Variants in USP19 observed in about 807,000 individuals in gnomAD.
USP19 encodes ubiquitin specific peptidase 19.
USP19 carries 40 observed loss-of-function variants against 144.8 expected under a neutral mutation model. The ratio of observed to expected loss-of-function variants is 0.28; its 90% CI spans 0.21 to 0.36. The LOEUF is 0.36. USP19 is among the 10% of genes least tolerant of loss of function. The pLI, the probability that USP19 is intolerant of heterozygous loss-of-function variation, is 1.00. For missense variants in USP19, 1,518 were observed against 1,822.5 expected (o/e 0.83, Z 3.04); for synonymous variants, 701 against 709.3 (o/e 0.99, Z 0.19).
In USP19 at chr3:49,114,069, T is replaced by G; in HGVS notation, c.2428A>C (p.Asn810His). The change falls in exon 17 of 27, where the codon AAC becomes CAC. Residue 810 changes from asparagine to histidine, a missense_variant. Asn to His is a moderately conservative substitution (Grantham distance 68). Around this residue, in one of 5 missense-constraint regions of USP19, gnomAD observed 413 missense variants for 515.8 expected, o/e 0.80. Transcript: ENST00000417901. The surrounding 1 kb of genome is among the most constrained non-coding windows in gnomAD (Gnocchi z 4.5). ...IKFLVSVSKE[N>H]STASEVLDSL... Reference sequence around the variant, plus strand: ...TCCAATACTTCGCTCGCAGTGGAGTTCTCCTTGCTGACGCTCACCAGGAAC... The same window carrying G: ...TCCAATACTTCGCTCGCAGTGGAGTGCTCCTTGCTGACGCTCACCAGGAAC... 1 of 1,614,210 alleles carries G rather than the reference T, an allele frequency of 6.2e-7. No individual in the cohort carries two copies.
chr3:49,115,556 C>T lies in USP19; in HGVS notation c.1776G>A (p.Lys592=). ...CAGTGAAGCCTGGCAGACACACCTT[C>T]TTCTCTTCCTCTTCCTCCTCCTCCA... The part of the protein sequence containing the change: ...DSVEEEEEEE[K]KVCLPGFTGL... Residue 592 remains lysine (K), a synonymous_variant, in exon 12 of 27, where the codon AAG becomes AAA. Transcript: ENST00000417901. This position sits in a 1 kb window ranked among gnomAD's most constrained non-coding sequence, Gnocchi z 6.6. The T allele has an allele frequency of 6.2e-7, 1 of 1,613,992 alleles. No homozygotes were observed. Among genetic ancestry groups the T allele is most frequent in the Non-Finnish European group, 8.5e-7 (1 of 1,179,954 alleles).
At position 49,112,269 on chromosome 3, in the gene USP19, C is replaced by A; in HGVS notation, c.2765+15G>T. On this transcript the variant is annotated intron_variant, in intron 19 of 26. Transcript: ENST00000417901. The surrounding 1 kb of genome is among the most constrained non-coding windows in gnomAD (Gnocchi z 4.9). ...GGTGGAAAGAAAGGGTAGGGGAGAC[C>A]ATGGGGGTCCTCACTGGTTGCAGTA... The A allele has an allele frequency of 6.3e-7, 1 of 1,597,412 alleles. No homozygotes were observed. Among genetic ancestry groups the A allele is most frequent in the South Asian group, 1.1e-5 (1 of 89,050 alleles).
intron 26 of USP19, chr3:49,109,330 A>C: frequency 2.9e-6 from 3 of 1,049,944 alleles, no homozygotes; most frequent in Non-Finnish European, 3.9e-6. Flanking sequence ...GAAGGCAGGC[A>C]GCCAACCTCA....
At position 49,115,592 on chromosome 3, in the gene USP19, A is replaced by C; in HGVS notation, c.1740T>G (p.Ser580Arg). 6.2e-7 allele frequency: 1 copy of C among 1,611,582 alleles called. No individual in the cohort carries two copies. The highest frequency in any genetic ancestry group is 8.5e-7 in the Non-Finnish European group (1 of 1,178,762). Residue 580 changes from serine to arginine, a missense_variant, in exon 12 of 27, where the codon AGT becomes AGG. Ser to Arg is a moderately radical substitution (Grantham distance 110, BLOSUM62 -1). This residue lies in a region of USP19 where 158 missense variants were observed against 277.3 expected (regional missense o/e 0.57). Transcript: ENST00000417901. The surrounding 1 kb of genome is among the most constrained non-coding windows in gnomAD (Gnocchi z 6.6). ...CTTCCTCCTCCTCCACGCTGTCTCC[A>C]CTAACTGGGCTGTGGGGCATGGGAG... ...MVPPMPHSPV[S>R]GDSVEEEEEE...
chr3:49,108,348 G>T lies in USP19; in HGVS notation c.*64C>A. ...TCCTCTGGGTTAGAGAAGGAGAAGC[G>T]GCAAGGAGCTGGCCCTCTGTGTGGG... On this transcript the variant is annotated 3_prime_UTR_variant, in exon 27 of 27. Coordinates refer to ENST00000417901, the MANE Select transcript of USP19 (RefSeq NM_001199161.2). The surrounding 1 kb of genome is among the most constrained non-coding windows in gnomAD (Gnocchi z 4.8). 1 of 546,508 alleles carries T rather than the reference G, an allele frequency of 1.8e-6. No individual in the cohort carries two copies. The highest frequency in any genetic ancestry group is 3.0e-6 in the Non-Finnish European group (1 of 330,516). 33.9% of individuals were successfully genotyped at this position (546,508 alleles called of 1,614,324 possible). A position where few individuals can be genotyped will look rare whatever the true frequency, so the allele number is the denominator to read the frequency against.
In USP19 at chr3:49,116,819, G is replaced by A. The variant is rs778762747; in HGVS notation, c.1034C>T (p.Ser345Phe). Residue 345 changes from serine (S) to phenylalanine (F), a missense_variant, in exon 7 of 27, where the codon TCT (serine) becomes TTT (phenylalanine). Ser to Phe is a radical substitution (Grantham distance 155). Coordinates refer to ENST00000417901, the MANE Select transcript of USP19 (RefSeq NM_001199161.2). The surrounding 1 kb of genome is among the most constrained non-coding windows in gnomAD (Gnocchi z 5.0). ...GTTTCTGCTCCGGACCATGGCTGGAGAGACTGGGTCATTCCCGGGAGGCAC... is the reference window on the plus strand; with the variant it reads ...GTTTCTGCTCCGGACCATGGCTGGAAAGACTGGGTCATTCCCGGGAGGCAC... ...KAVPPGNDPV[S>F]PAMVRSRNPG... The A allele has an allele frequency of 6.8e-6, 11 of 1,613,982 alleles. No homozygotes were observed. Among genetic ancestry groups the A allele is most frequent in the African/African-American group, 2.7e-5 (2 of 74,870 alleles).
At position 49,117,621 on chromosome 3, in the gene USP19, CAA is replaced by C; in HGVS notation, c.472+34_472+35del. 1 of 1,614,050 alleles carries C rather than the reference CAA, an allele frequency of 6.2e-7. No individual in the cohort carries two copies. Among genetic ancestry groups the C allele is most frequent in the South Asian group, 1.1e-5 (1 of 91,076 alleles). ...GTAGGATAGGAGATATCAGAAGATT[CAA>C]ACATACTACTGTGCTCAGGGCAGAT... On this transcript the variant is annotated intron_variant, in intron 4 of 26. Coordinates refer to ENST00000417901, the MANE Select transcript of USP19 (RefSeq NM_001199161.2). This position sits in a 1 kb window ranked among gnomAD's most constrained non-coding sequence, Gnocchi z 4.4.
rs1379347582 is a variant in USP19, at chr3:49,114,498, A to C, written c.2293-214T>G. Among the ~76,000 whole-genome samples, 2 of 152,154 alleles carry C rather than the reference A, an allele frequency of 1.3e-5. No individual in the cohort carries two copies. The highest frequency in any genetic ancestry group is 2.9e-5 in the Non-Finnish European group (2 of 68,024). ...ACTCAAAGCCCTACTCAGCTTAGCCACTTTACGAATTGGCCTCACACTTGC... is the reference window on the plus strand; with the variant it reads ...ACTCAAAGCCCTACTCAGCTTAGCCCCTTTACGAATTGGCCTCACACTTGC... On this transcript the variant is annotated intron_variant, in intron 15 of 26. Transcript: ENST00000417901. This position sits in a 1 kb window ranked among gnomAD's most constrained non-coding sequence, Gnocchi z 4.5.
chr3:49,118,204 G>T, intron 2 of USP19, 84 bp from the exon 3 acceptor site: 1 of 592,478 alleles, frequency 1.7e-6, no homozygotes, highest in Non-Finnish European at 3.0e-6. Context: ...CTTTGAGGAT[G>T]CAGTAAGCTA....
Position 49,108,552 on chromosome 3 carries a change from G to T in USP19, c.4039-24C>A, listed in dbSNP as rs894130358. On this transcript the variant is annotated intron_variant, in intron 26 of 26. Coordinates refer to ENST00000417901, the MANE Select transcript of USP19 (RefSeq NM_001199161.2). The surrounding 1 kb of genome is among the most constrained non-coding windows in gnomAD (Gnocchi z 4.8). ...CCCTGCAACAGAATACGAGGACAGG[G>T]GTTGGGGGCTGCCCAGCATGCCGCC... is the stretch of plus-strand genomic sequence containing the variant. The T allele has an allele frequency of 2.9e-5, 36 of 1,239,196 alleles. No homozygotes were observed. Among genetic ancestry groups the T allele is most frequent in the Non-Finnish European group, 3.6e-5 (35 of 967,986 alleles). The allele number at this position is 1,239,196 out of a possible 1,614,324, so 76.8% of individuals were successfully genotyped here.
intron 17 of USP19, among the ~76,000 whole-genome samples, chr3:49,113,521 A>G (rs2043540937): frequency 6.6e-6 from 1 of 152,106 alleles, no homozygotes; most frequent in African/African-American, 2.4e-5. Flanking sequence ...CTTGTGATCC[A>G]TCAGCCTTGG....
At chr3:49,118,150 G>A (rs1043189719) in intron 2 of USP19, 30 bp from the exon 3 acceptor site, 17 of 928,074 alleles carry the variant, frequency 1.8e-5, no homozygotes, top group Non-Finnish European at 2.7e-5. Context: ...AATTAGTCAA[G>A]CATGGTGAGG....
Position 49,115,011 on chromosome 3 carries a change from A to G in USP19, c.2129T>C (p.Ile710Thr), listed in dbSNP as rs1338595481. ...LDGLHEDLNR[I>T]QNKPYTETVD... ...GGTCTCTGTGTAGGGCTTGTTCTGA[A>G]TGCGATTCAGGTCCTCGTGCAGCCC... Residue 710 changes from isoleucine to threonine, a missense_variant, in exon 14 of 27, where the codon ATT (isoleucine) becomes ACT (threonine). By Grantham distance (89) the Ile-to-Thr change is moderately conservative (BLOSUM62 -1). Transcript: ENST00000417901. This position sits in a 1 kb window ranked among gnomAD's most constrained non-coding sequence, Gnocchi z 6.6. The G allele has an allele frequency of 6.2e-7, 1 of 1,614,068 alleles. No individual in the cohort carries two copies. Among genetic ancestry groups the G allele is most frequent in the Admixed American group, 1.7e-5 (1 of 60,012 alleles).
chr3:49,108,336 A>G lies in USP19; in HGVS notation c.*76T>C. ...ACAGAGCCAGTGTCCTCTGGGTTAG[A>G]GAAGGAGAAGCGGCAAGGAGCTGGC... On this transcript the variant is annotated 3_prime_UTR_variant, in exon 27 of 27. Coordinates refer to ENST00000417901, the MANE Select transcript of USP19 (RefSeq NM_001199161.2). The surrounding 1 kb of genome is among the most constrained non-coding windows in gnomAD (Gnocchi z 4.8). The G allele has an allele frequency of 4.2e-6, 2 of 473,846 alleles. No homozygotes were observed. The highest frequency in any genetic ancestry group is 7.3e-6 in the Non-Finnish European group (2 of 274,618). 29.4% of individuals were successfully genotyped at this position (473,846 alleles called of 1,614,324 possible). A position where few individuals can be genotyped will look rare whatever the true frequency, so the allele number is the denominator to read the frequency against.
chr3:49,109,145 G>GGCTCCTCCTCAGCCTCCA, intron 26 of USP19: 1 of 1,515,478 alleles, frequency 6.6e-7, no homozygotes, highest in African/African-American at 1.4e-5. Flanking sequence ...CTCAGGCACC[G>GGCTCCTCCTCAGCCTCCA]GCTCCTCCTC....
In USP19 at chr3:49,108,357, C is replaced by A; in HGVS notation, c.*55G>T. Reference sequence around the variant, plus strand: ...TTAGAGAAGGAGAAGCGGCAAGGAGCTGGCCCTCTGTGTGGGTGTCCCAAA... The same window carrying A: ...TTAGAGAAGGAGAAGCGGCAAGGAGATGGCCCTCTGTGTGGGTGTCCCAAA... On this transcript the variant is annotated 3_prime_UTR_variant, in exon 27 of 27. Transcript: ENST00000417901. This position sits in a 1 kb window ranked among gnomAD's most constrained non-coding sequence, Gnocchi z 4.8. 1.6e-6 allele frequency: 1 copy of A among 618,714 alleles called. No individual in the cohort carries two copies. Among genetic ancestry groups the A allele is most frequent in the Non-Finnish European group, 2.6e-6 (1 of 384,676 alleles). 38.3% of individuals were successfully genotyped at this position (618,714 alleles called of 1,614,324 possible).
At position 49,109,005 on chromosome 3, in the gene USP19, C is replaced by T. The variant is rs369013939; in HGVS notation, c.4039-477G>A. 91 of 1,613,434 alleles carry T rather than the reference C, an allele frequency of 5.6e-5. No homozygotes were observed. The highest frequency in any genetic ancestry group is 1.0e-4 in the Admixed American group (6 of 59,964). On this transcript the variant is annotated intron_variant, in intron 26 of 26. Coordinates refer to ENST00000417901, the MANE Select transcript of USP19 (RefSeq NM_001199161.2). ...ACCAGAGGATAGAACACGTTGAGCACGAGGGCCACCAAAGCCGCCACGGTG... is the reference window on the plus strand; with the variant it reads ...ACCAGAGGATAGAACACGTTGAGCATGAGGGCCACCAAAGCCGCCACGGTG...
chr3:49,117,247 C>G lies in USP19; in HGVS notation c.721G>C (p.Glu241Gln), dbSNP rs1420388051. ...TGGGCCCGCTTCTGGTTCCGGGCCT[C>G]CTGCTTAGCCCGGTGGGGCTCAGGG... ...PGPEPHRAKQ[E>Q]ARNQKRAQGR... The change falls in exon 6 of 27, where the codon GAG (glutamate) becomes CAG (glutamine). Residue 241 changes from glutamate (E) to glutamine (Q), a missense_variant. Coordinates refer to ENST00000417901, the MANE Select transcript of USP19 (RefSeq NM_001199161.2). The surrounding 1 kb of genome is among the most constrained non-coding windows in gnomAD (Gnocchi z 4.4). 6.4e-7 allele frequency: 1 copy of G among 1,556,616 alleles called. No homozygotes were observed.
chr3:49,115,903 T>A lies in USP19; in HGVS notation c.1513A>T (p.Thr505Ser), dbSNP rs201093030. The change falls in exon 11 of 27, where the codon ACC (threonine) becomes TCC (serine). Residue 505 changes from threonine (T) to serine (S), a missense_variant. Thr to Ser is a moderately conservative substitution (Grantham distance 58). Around this residue, in one of 5 missense-constraint regions of USP19, gnomAD observed 707 missense variants for 728.9 expected, o/e 0.97. Coordinates refer to ENST00000417901, the MANE Select transcript of USP19 (RefSeq NM_001199161.2). This position sits in a 1 kb window ranked among gnomAD's most constrained non-coding sequence, Gnocchi z 6.6. ...CCTGGTGGGGTTGAATCCAGAGGGG[T>A]TGGACCTGTCGGCACGGCAACCTTT... ...GAKVAVPTGP[T>S]PLDSTPPGGA... 5 of 1,574,314 alleles carry A rather than the reference T, an allele frequency of 3.2e-6. No individual in the cohort carries two copies. In the East Asian group the frequency reaches 9.0e-5, roughly 28 times the overall value.
Sources: gnomAD v4.1 joint callset for allele counts (sites outside exome capture counted in the v4.1 genomes callset) on GRCh38, gnomAD v4.1.1 for gene constraint, gnomAD v4.1.1 regional missense constraint, Gnocchi (gnomAD v3.1) non-coding constraint, MANE v1.5 for transcripts, NCBI Gene and HGNC (gene_info 2026-07-23, HGNC 2026-07-21) for gene names.